AK5: variants seen among roughly 807,000 people sequenced by gnomAD.
AK5 encodes adenylate kinase 5, also known as adenylate kinase isoenzyme 5.
Under a neutral mutation model 69.5 loss-of-function variants are expected in AK5, and 27 were observed. The ratio of observed to expected loss-of-function variants is 0.39; its 90% CI spans 0.29 to 0.54. The LOEUF is 0.54. Among genes scored for constraint, AK5 ranks in the 20% least tolerant of loss-of-function variants. AK5 has a pLI of 0.71. For missense variants in AK5, 531 were observed against 700.4 expected (o/e 0.76, Z 2.73); for synonymous variants, 260 against 244.4 (o/e 1.06, Z -0.60).
chr1:77,423,221 AAAAAAAAAAT>A (rs914818326), intron 8 of AK5, among the ~76,000 whole-genome samples: 5 of 131,054 alleles, frequency 3.8e-5, no homozygotes, highest in Non-Finnish European at 8.7e-5. Context: ...ACTCCGTCTA[AAAAAAAAAAT>A]AAAAAAAAAA....
chr1:77,402,344 T>G (rs562822275), intron 6 of AK5, among the ~76,000 whole-genome samples: 1 of 152,070 alleles, frequency 6.6e-6, no homozygotes, highest in Non-Finnish European at 1.5e-5. Flanking sequence ...GTGCACAACG[T>G]GCAGGTTTGT....
chr1:77,486,236 T>A, intron 9 of AK5, 72 bp from the exon 10 acceptor site: 1 of 1,022,450 alleles, frequency 9.8e-7, no homozygotes, highest in South Asian at 1.4e-5. Flanking sequence ...TGGGTTTTTA[T>A]ATAATATGAG....
At chr1:77,409,553 G>A (rs1649896259) in intron 6 of AK5, among the ~76,000 whole-genome samples, 1 of 151,936 alleles carries the variant, frequency 6.6e-6, no homozygotes, top group South Asian at 2.1e-4. Flanking sequence ...AGACATGTCT[G>A]TTCATGTCCT....
chr1:77,313,794 G>A (rs1430144406), intron 5 of AK5: 3 of 531,626 alleles, frequency 5.6e-6, no homozygotes, highest in Non-Finnish European at 1.2e-5. Flanking sequence ...TTCTTTTTCA[G>A]TACAGCCTAC....
At chr1:77,424,819 AAAAG>A (rs1378412697) in intron 8 of AK5, among the ~76,000 whole-genome samples, 1 of 152,190 alleles carries the variant, frequency 6.6e-6, no homozygotes. Flanking sequence ...TACCAGAAGG[AAAAG>A]AAAGAGAGTA....
At chr1:77,556,793 T>C (rs2100409664) in intron 13 of AK5, among the ~76,000 whole-genome samples, 1 of 152,284 alleles carries the variant, frequency 6.6e-6, no homozygotes, top group Non-Finnish European at 1.5e-5. Flanking sequence ...TTTGTGTTTC[T>C]CAAAGTGTGC....
At chr1:77,500,479 C>T (rs2100257819) in intron 10 of AK5, among the ~76,000 whole-genome samples, 2 of 152,130 alleles carry the variant, frequency 1.3e-5, no homozygotes, top group Middle Eastern at 6.8e-3. Flanking sequence ...GATAAAGTGT[C>T]CATTAAAGAC....
chr1:77,349,373 A>G (rs1330019764), intron 6 of AK5: 5 of 152,208 alleles, frequency 3.3e-5, no homozygotes, highest in Non-Finnish European at 5.9e-5. Flanking sequence ...GGCAGATACT[A>G]TTATTATCTC....
At chr1:77,332,404 T>C (rs76421069) in intron 5 of AK5, among the ~76,000 whole-genome samples, 11,867 of 144,056 alleles carry the variant, frequency 0.082, 558 homozygotes, top group Middle Eastern at 0.15. Flanking sequence ...AAATTTTTCT[T>C]TTTTTTTTTA....
chr1:77,383,654 C>T (rs1381904048), intron 6 of AK5, among the ~76,000 whole-genome samples: 6 of 152,000 alleles, frequency 3.9e-5, no homozygotes, highest in Admixed American at 2.0e-4. Context: ...TGTTTCTGAC[C>T]CTAATGTTGA....
chr1:77,402,541 C>T (rs908337771), intron 6 of AK5, among the ~76,000 whole-genome samples: 13 of 150,034 alleles, frequency 8.7e-5, no homozygotes, highest in African/African-American at 1.5e-4. Context: ...TGAGAACATG[C>T]GGTGTTTGGT....
chr1:77,421,782 T>C (rs1028322445), intron 8 of AK5, among the ~76,000 whole-genome samples: 3 of 152,186 alleles, frequency 2.0e-5, no homozygotes, highest in Non-Finnish European at 4.4e-5. Flanking sequence ...TTGGTTTCCT[T>C]GCTGAACTCC....
intron 5 of AK5, chr1:77,313,958 T>G: frequency 2.1e-6 from 1 of 486,474 alleles, no homozygotes; most frequent in Admixed American, 2.3e-5. Flanking sequence ...CTTGAGGCAA[T>G]GAAGTACAGA....
chr1:77,410,937 G>T (rs1373549281), intron 6 of AK5, 44 bp from the exon 7 acceptor site: 1 of 1,479,316 alleles, frequency 6.8e-7, no homozygotes, highest in Non-Finnish European at 9.4e-7. Flanking sequence ...TAACTAATTT[G>T]TGTATTCTCA....
intron 8 of AK5, among the ~76,000 whole-genome samples, chr1:77,421,804 CTAT>C (rs1294061605): frequency 6.6e-6 from 1 of 152,186 alleles, no homozygotes; most frequent in African/African-American, 2.4e-5. Context: ...CTCCATCAGT[CTAT>C]TATTTAACTG....
chr1:77,352,650 A>G (rs930537010), intron 6 of AK5, among the ~76,000 whole-genome samples: 1 of 152,220 alleles, frequency 6.6e-6, no homozygotes. Flanking sequence ...AATTTGAAAG[A>G]GTTTATTTGC....
At chr1:77,479,266 A>G (rs2100714295) in intron 8 of AK5, among the ~76,000 whole-genome samples, 1 of 134,446 alleles carries the variant, frequency 7.4e-6, no homozygotes, top group Middle Eastern at 5.6e-3. Flanking sequence ...GTGCAGTGGC[A>G]TGATCTCAGC....
rs551663062 is a variant in AK5, at chr1:77,518,650, C to T, written c.1234C>T (p.Arg412Cys). ...FTHLSTGELL[R>C]EELASESERS... The stretch of plus-strand genomic sequence containing the variant: ...ACATCTCTCAACTGGCGAGCTCCTG[C>T]GTGAGGAACTGGCATCAGAATCTGA... The change falls in exon 11 of 14, where the codon CGT (arginine) becomes TGT (cysteine). Residue 412 changes from arginine (R) to cysteine (C), a missense_variant. Transcript: ENST00000354567. The T allele has an allele frequency of 8.1e-6, 13 of 1,614,080 alleles. No homozygotes were observed. Among genetic ancestry groups the T allele is most frequent in the South Asian group, 3.3e-5 (3 of 91,074 alleles).
chr1:77,309,026 A>G (rs950463950), intron 5 of AK5, among the ~76,000 whole-genome samples: 6 of 151,056 alleles, frequency 4.0e-5, no homozygotes, highest in Non-Finnish European at 7.4e-5. Flanking sequence ...GAGCAGAACA[A>G]TGAGAACACA....
Sources: allele counts gnomAD v4.1 joint callset (sites outside exome capture counted in the v4.1 genomes callset), GRCh38; gene constraint gnomAD v4.1.1; transcripts MANE v1.5; gene names NCBI Gene and HGNC (gene_info 2026-07-23, HGNC 2026-07-21).